Variants in CPEB3 observed in about 807,000 individuals in gnomAD.
The protein encoded by CPEB3 is cytoplasmic polyadenylation element binding protein 3, also known as cytoplasmic polyadenylation element-binding protein 3.
In CPEB3, 20 loss-of-function variants were observed where a neutral mutation model predicts 67.2. That is an observed-to-expected ratio of 0.30 (90% CI 0.21 to 0.43). The LOEUF (loss-of-function observed/expected upper bound fraction) is 0.43, where lower values mean the gene tolerates loss of function less well. Ranked by LOEUF, CPEB3 falls within the 20% of genes least tolerant of loss-of-function variation. The probability of loss-of-function intolerance (pLI) is 1.00; values close to 1 mark genes in which losing one functional copy is unlikely to be tolerated. For synonymous variants in CPEB3, 376 were observed against 393.1 expected, an observed-to-expected ratio of 0.96 and a Z score of 0.51; for missense variants, 746 against 968.6, an observed-to-expected ratio of 0.77 and a Z score of 3.05.
chr10:92,066,771 G>A (rs775244518), intron 9 of CPEB3, among the ~76,000 whole-genome samples: 11 of 152,138 alleles, frequency 7.2e-5, no homozygotes, highest in Non-Finnish European at 1.6e-4. Context: ...TTGGCTGGGC[G>A]CGATAGCTCA....
At chr10:92,153,820 A>G (rs1847077610) in intron 4 of CPEB3, among the ~76,000 whole-genome samples, 3 of 152,202 alleles carry the variant, frequency 2.0e-5, no homozygotes, top group African/African-American at 7.2e-5. Flanking sequence ...GGCATAGCCA[A>G]CATGTCTACT....
At chr10:92,153,672 T>C (rs959141080) in intron 4 of CPEB3, among the ~76,000 whole-genome samples, 1 of 152,062 alleles carries the variant, frequency 6.6e-6, no homozygotes, top group African/African-American at 2.4e-5. Flanking sequence ...TCCCAGCTAC[T>C]TGGGGGGCTG....
chr10:92,289,718 C>CAAAAAAAAAAAAA lies in CPEB3; in HGVS notation c.-12+1195_-12+1207dup, dbSNP rs749285662. Among the ~76,000 whole-genome samples the CAAAAAAAAAAAAA allele has an allele frequency of 8.8e-3, 272 of 30,862 alleles. 45 individuals carry two copies. Among genetic ancestry groups the CAAAAAAAAAAAAA allele is most frequent in the African/African-American group, 0.061 (152 of 2,480 alleles). The allele number at this position is 30,862 out of a possible 152,430, so 20.2% of individuals were successfully genotyped here. On this transcript the variant is annotated intron_variant, in intron 1 of 9. Transcript: ENST00000265997. ...CAACATGGCGAGACCGCGTCTCTACCAAAAAAAAAAAAAAATATATATATA... is the reference window on the plus strand; with the variant it reads ...CAACATGGCGAGACCGCGTCTCTACCAAAAAAAAAAAAAAAAAAAAAAAAAAAATATATATATA...
intron 4 of CPEB3, among the ~76,000 whole-genome samples, chr10:92,172,699 A>G (rs1469754735): frequency 2.0e-5 from 3 of 152,192 alleles, no homozygotes; most frequent in East Asian, 3.9e-4. Context: ...GAAAGGGGGA[A>G]AAAAACTGCA....
intron 3 of CPEB3, among the ~76,000 whole-genome samples, chr10:92,185,429 T>C (rs1260756218): frequency 6.6e-6 from 1 of 152,072 alleles, no homozygotes; most frequent in Admixed American, 6.6e-5. Flanking sequence ...TCTGTTAAAA[T>C]CACAGTCCCA....
chr10:92,104,784 C>G (rs1357170120), intron 7 of CPEB3, among the ~76,000 whole-genome samples: 1 of 151,260 alleles, frequency 6.6e-6, no homozygotes, highest in Non-Finnish European at 1.5e-5. Context: ...TTCAGACACC[C>G]AGGGCAAAAA....
At chr10:92,289,830 ATT>A (rs1590632966) in intron 1 of CPEB3, among the ~76,000 whole-genome samples, 2 of 138,886 alleles carry the variant, frequency 1.4e-5, no homozygotes, top group Middle Eastern at 3.8e-3. Flanking sequence ...ATACATATAT[ATT>A]ATATATAATA....
At chr10:92,246,390 A>T (rs1352548053) in intron 1 of CPEB3, among the ~76,000 whole-genome samples, 1 of 152,260 alleles carries the variant, frequency 6.6e-6, no homozygotes, top group African/African-American at 2.4e-5. Context: ...AATACCCTTC[A>T]TAACGTCCTT....
chr10:92,209,433 G>A (rs1849959281), intron 2 of CPEB3, among the ~76,000 whole-genome samples: 1 of 152,144 alleles, frequency 6.6e-6, no homozygotes, highest in Non-Finnish European at 1.5e-5. Flanking sequence ...GCTGAGGCAT[G>A]AGAATCGCTT....
intron 2 of CPEB3, among the ~76,000 whole-genome samples, chr10:92,217,633 A>G (rs879453422): frequency 5.9e-5 from 9 of 151,778 alleles, no homozygotes; most frequent in Non-Finnish European, 1.2e-4. Context: ...GTGGTGGCAC[A>G]TGCCTGTAAT....
At chr10:92,169,570 T>C (rs1847910816) in intron 4 of CPEB3, among the ~76,000 whole-genome samples, 2 of 152,230 alleles carry the variant, frequency 1.3e-5, no homozygotes, top group Admixed American at 1.3e-4. Context: ...GCCCCAAATG[T>C]TGGGTATCCT....
At chr10:92,162,016 T>C (rs963357644) in intron 4 of CPEB3, among the ~76,000 whole-genome samples, 1 of 152,194 alleles carries the variant, frequency 6.6e-6, no homozygotes, top group South Asian at 2.1e-4. Flanking sequence ...TCTAATATCC[T>C]ATCTATGCTA....
At chr10:92,262,613 G>A (rs1374319723) in intron 1 of CPEB3, among the ~76,000 whole-genome samples, 2 of 152,116 alleles carry the variant, frequency 1.3e-5, no homozygotes, top group Admixed American at 6.6e-5. Flanking sequence ...TTGGGAGGCT[G>A]AGGGGGGAGG....
intron 6 of CPEB3, among the ~76,000 whole-genome samples, chr10:92,121,557 T>C (rs1845388681): frequency 6.6e-6 from 1 of 151,450 alleles, no homozygotes; most frequent in African/African-American, 2.4e-5. Flanking sequence ...GAAAAAAAAC[T>C]ACAAGGTCTC....
Position 92,188,668 on chromosome 10 carries a change from T to A in CPEB3, c.1165+3809A>T, listed in dbSNP as rs200887617. 6.3e-4 allele frequency among the ~76,000 whole-genome samples: 95 copies of A among 151,596 alleles called. No homozygotes were observed. In the East Asian group the frequency reaches 0.018, roughly 28 times the overall value. On this transcript the variant is annotated intron_variant, in intron 3 of 9. Transcript: ENST00000265997. ...CAGGGAGGCGGAGGTTGCAATGAGCTGAGATCCCGCCACTGCACTCCAGCC... is the reference window on the plus strand; with the variant it reads ...CAGGGAGGCGGAGGTTGCAATGAGCAGAGATCCCGCCACTGCACTCCAGCC...
intron 3 of CPEB3, 32 bp from the exon 4 acceptor site, chr10:92,181,051 AT>A (rs1222606183): frequency 8.7e-7 from 1 of 1,143,324 alleles, no homozygotes; most frequent in Non-Finnish European, 1.3e-6. Flanking sequence ...AGCAAAAAGA[AT>A]GTTTAATGTA....
chr10:92,202,995 G>A (rs1351798418), intron 2 of CPEB3, among the ~76,000 whole-genome samples: 1 of 149,640 alleles, frequency 6.7e-6, no homozygotes, highest in African/African-American at 2.5e-5. Context: ...AGGCTGGAGT[G>A]CAGTGGCGCC....
chr10:92,174,971 C>T (rs761315862), intron 4 of CPEB3, among the ~76,000 whole-genome samples: 4 of 152,032 alleles, frequency 2.6e-5, no homozygotes, highest in Non-Finnish European at 5.9e-5. Context: ...GTGTGCCTTA[C>T]TTCATCTGAA....
chr10:92,242,113 A>C (rs1851876529), intron 1 of CPEB3, among the ~76,000 whole-genome samples: 1 of 152,258 alleles, frequency 6.6e-6, no homozygotes, highest in Non-Finnish European at 1.5e-5. Flanking sequence ...ATTTTATTAG[A>C]GACTATCATT....
Sources: gnomAD v4.1 joint callset for allele counts (sites outside exome capture counted in the v4.1 genomes callset) on GRCh38, gnomAD v4.1.1 for gene constraint, MANE v1.5 for transcripts, NCBI Gene and HGNC (gene_info 2026-07-23, HGNC 2026-07-21) for gene names.